The following LDLRAD4 variants were observed in gnomAD, a reference collection of about 807,000 sequenced individuals.
LDLRAD4 encodes the protein low-density lipoprotein receptor class A domain-containing protein 4.
Under a neutral mutation model 17.0 loss-of-function variants are expected in LDLRAD4, and 5 were observed. The ratio of observed to expected loss-of-function variants is 0.29; its 90% confidence interval spans 0.15 to 0.62. LDLRAD4 has a LOEUF of 0.62. Among genes scored for constraint, LDLRAD4 ranks in the 20% least tolerant of loss-of-function variants. The probability of loss-of-function intolerance (pLI) is 0.84; values close to 1 mark genes in which losing one functional copy is unlikely to be tolerated. For synonymous variants in LDLRAD4, 168 were observed against 171.8 expected (o/e 0.98, Z 0.17); for missense variants, 340 against 424.7 (o/e 0.80, Z 1.75).
At chr18:13,497,029 T>G (rs2093483559) in intron 3 of LDLRAD4, among the ~76,000 whole-genome samples, 1 of 152,208 alleles carries the variant, frequency 6.6e-6, no homozygotes, top group Non-Finnish European at 1.5e-5. Context: ...TAAGATGAAT[T>G]ACTGTGTTTT....
intron 3 of LDLRAD4, among the ~76,000 whole-genome samples, chr18:13,554,478 T>G (rs1332020710): frequency 6.6e-6 from 1 of 152,138 alleles, no homozygotes; most frequent in Non-Finnish European, 1.5e-5. Context: ...TTTTTTCACC[T>G]TTATGTAGTC....
At chr18:13,405,418 A>AT (rs1245287602) in intron 2 of LDLRAD4, among the ~76,000 whole-genome samples, 2 of 151,938 alleles carry the variant, frequency 1.3e-5, no homozygotes, top group South Asian at 2.1e-4. Context: ...CGTTGCCACC[A>AT]TTTTTTTATT....
chr18:13,292,127 G>GT (rs1265988603), intron 1 of LDLRAD4, among the ~76,000 whole-genome samples: 1 of 152,198 alleles, frequency 6.6e-6, no homozygotes, highest in African/African-American at 2.4e-5. Flanking sequence ...CTAGGAGCTT[G>GT]CCGGCTGTCT....
intron 1 of LDLRAD4, among the ~76,000 whole-genome samples, chr18:13,221,528 C>G (rs1431129287): frequency 1.3e-5 from 2 of 152,176 alleles, no homozygotes; most frequent in Non-Finnish European, 2.9e-5. Flanking sequence ...ATTTAGGCCA[C>G]AAGACCTGCC....
chr18:13,620,906 C>A (rs552699152), intron 3 of LDLRAD4: 5 of 641,054 alleles, frequency 7.8e-6, no homozygotes. Flanking sequence ...AGGCTTCCCG[C>A]TCCCCGCAGC....
intron 2 of LDLRAD4, among the ~76,000 whole-genome samples, chr18:13,414,837 C>T (rs1183484726): frequency 2.0e-5 from 3 of 152,226 alleles, no homozygotes; most frequent in African/African-American, 7.2e-5. Context: ...TTATCAGACA[C>T]ATCTGTATGC....
intron 2 of LDLRAD4, among the ~76,000 whole-genome samples, chr18:13,401,382 A>AC (rs899865341): frequency 1.3e-5 from 2 of 152,220 alleles, no homozygotes; most frequent in Non-Finnish European, 2.9e-5. Context: ...AAAAAAAAAA[A>AC]AAAACTGTCC....
At chr18:13,422,323 A>G (rs1286078135) in intron 2 of LDLRAD4, among the ~76,000 whole-genome samples, 1 of 152,202 alleles carries the variant, frequency 6.6e-6, no homozygotes, top group South Asian at 2.1e-4. Context: ...ATCCGGAGAA[A>G]TACTCTGTCT....
chr18:13,473,982 G>T (rs1316694677), intron 3 of LDLRAD4, among the ~76,000 whole-genome samples: 1 of 152,092 alleles, frequency 6.6e-6, no homozygotes, highest in Non-Finnish European at 1.5e-5. Context: ...GTGGTTTCTT[G>T]TGAATGACTT....
At chr18:13,390,055 T>C (rs1465555854) in intron 2 of LDLRAD4, among the ~76,000 whole-genome samples, 1 of 152,192 alleles carries the variant, frequency 6.6e-6, no homozygotes, top group Admixed American at 6.5e-5. Context: ...TTTTGATACA[T>C]GTATGTGTTG....
chr18:13,404,276 C>G (rs1156508876), intron 2 of LDLRAD4, among the ~76,000 whole-genome samples: 2 of 152,338 alleles, frequency 1.3e-5, no homozygotes, highest in Non-Finnish European at 1.5e-5. Flanking sequence ...CTCTGCATCC[C>G]CGCTGTTTCC....
chr18:13,254,416 G>A (rs1015393284), intron 1 of LDLRAD4, among the ~76,000 whole-genome samples: 1 of 152,220 alleles, frequency 6.6e-6, no homozygotes, highest in African/African-American at 2.4e-5. Context: ...TGGGCAGTTT[G>A]GGGGTTGGAG....
intron 3 of LDLRAD4, chr18:13,613,804 C>T (rs886979584): frequency 6.6e-6 from 1 of 152,290 alleles, no homozygotes; most frequent in African/African-American, 2.4e-5. Flanking sequence ...GGCACCTGGC[C>T]TTGGGCCGGT....
intron 1 of LDLRAD4, among the ~76,000 whole-genome samples, chr18:13,352,339 C>G (rs991328921): frequency 2.6e-5 from 4 of 152,098 alleles, no homozygotes; most frequent in African/African-American, 9.7e-5. Flanking sequence ...ATTTTTAGTT[C>G]AAGTTTTGGA....
At chr18:13,460,939 A>G (rs940751088) in intron 3 of LDLRAD4, 6 of 152,224 alleles carry the variant, frequency 3.9e-5, no homozygotes, top group African/African-American at 1.4e-4. Flanking sequence ...ACTGCCTGCC[A>G]TGCCGCCCTC....
intron 1 of LDLRAD4, among the ~76,000 whole-genome samples, chr18:13,364,154 A>G (rs1310433899): frequency 1.3e-5 from 2 of 152,218 alleles, no homozygotes; most frequent in African/African-American, 2.4e-5. Context: ...GGCAAAAGAT[A>G]TATATGCAGA....
At chr18:13,379,998 C>T (rs1311918531) in intron 1 of LDLRAD4, among the ~76,000 whole-genome samples, 2 of 152,160 alleles carry the variant, frequency 1.3e-5, no homozygotes, top group Non-Finnish European at 2.9e-5. Context: ...CCCGCCAGCC[C>T]CCTGCCCGTC....
At position 13,269,244 on chromosome 18, in the gene LDLRAD4, G is replaced by A. The variant is rs141143703; in HGVS notation, c.-466-8861G>A. Among the ~76,000 whole-genome samples, 58 of 152,328 alleles carry A rather than the reference G, an allele frequency of 3.8e-4. 1 individual carries two copies. The Middle Eastern group carries it at 0.017, about 45-fold the overall frequency. On this transcript the variant is annotated intron_variant, in intron 1 of 5. Coordinates refer to the LDLRAD4 transcript ENST00000399848. ...GAGCAGCATGTCCAAACTTTAACTA[G>A]TTAATAGTGGCTCCCAAGCTGAGCA... is the stretch of plus-strand genomic sequence containing the variant.
intron 1 of LDLRAD4, among the ~76,000 whole-genome samples, chr18:13,339,875 A>G (rs2082283491): frequency 6.6e-6 from 1 of 152,150 alleles, no homozygotes; most frequent in Non-Finnish European, 1.5e-5. Context: ...AACCATTACC[A>G]CCATCTATCT....
Sources: allele counts gnomAD v4.1 joint callset (sites outside exome capture counted in the v4.1 genomes callset), GRCh38; gene constraint gnomAD v4.1.1; transcripts MANE v1.5; gene names NCBI Gene and HGNC (gene_info 2026-07-23, HGNC 2026-07-21).